Variants in ZNF708 observed in about 807,000 individuals in gnomAD.
ZNF708 encodes ZNF15, ZNF15L1.
A neutral mutation model predicts 47.0 loss-of-function variants in ZNF708; 44 were observed. That is an observed-to-expected ratio of 0.94 (90% CI 0.74 to 1.20). The LOEUF (loss-of-function observed/expected upper bound fraction) is 1.20. Ranked by LOEUF, ZNF708 falls within the 50% of genes most tolerant of loss-of-function variation. The pLI is 0.00. For synonymous variants in ZNF708, 184 were observed against 218.5 expected, an observed-to-expected ratio of 0.84 and a Z score of 1.39; for missense variants, 557 against 656.0, an observed-to-expected ratio of 0.85 and a Z score of 1.65.
At chr19:21,298,463 T>C (rs986790458) in intron 3 of ZNF708, among the ~76,000 whole-genome samples, 2 of 152,174 alleles carry the variant, frequency 1.3e-5, no homozygotes, top group South Asian at 4.1e-4. Context: ...TGTGTAGATG[T>C]CCATGCTGCT....
In ZNF708 at chr19:21,294,531, G is replaced by A. The variant is rs753080683; in HGVS notation, c.435C>T (p.Tyr145=). The part of the protein sequence containing the change: ...TQSKIVQCDK[Y]VKVFHKYSNA... ...TTGAATATTTATGAAAGACTTTCAC[G>A]TATTTGTCACACTGAACTATTTTGC... The change falls in exon 4 of 4, where the codon TAC becomes TAT. Residue 145 remains tyrosine, a synonymous_variant. Coordinates refer to ENST00000356929, the MANE Select transcript of ZNF708 (RefSeq NM_021269.3). 9.9e-6 allele frequency: 16 copies of A among 1,613,936 alleles called. No homozygotes were observed. The highest frequency in any genetic ancestry group is 6.7e-5 in the African/African-American group (5 of 74,892).
In ZNF708 at chr19:21,292,817, GGC is replaced by G. The variant is rs1972422947; in HGVS notation, c.*455_*456del. The G allele has an allele frequency of 5.9e-6, 1 of 169,928 alleles. No homozygotes were observed. The highest frequency in any genetic ancestry group is 2.4e-5 in the African/African-American group (1 of 41,516). The allele number at this position is 169,928 out of a possible 1,614,324, so 10.5% of individuals were successfully genotyped here. On this transcript the variant is annotated 3_prime_UTR_variant, in exon 4 of 4. Transcript: ENST00000356929. ...TTTTCTCAAGTATAAATGCTTTCCT[GGC>G]AATAAGGTGTGAGTATTCATTAAAA...
At chr19:21,317,544 T>A (rs1973041271) in intron 1 of ZNF708, among the ~76,000 whole-genome samples, 1 of 152,184 alleles carries the variant, frequency 6.6e-6, no homozygotes. Flanking sequence ...GTCTGGTAAT[T>A]CTAGACTGTG....
In ZNF708 at chr19:21,329,339, C is replaced by G; in HGVS notation, c.-127G>C. 1 of 1,450,982 alleles carries G rather than the reference C, an allele frequency of 6.9e-7. No individual in the cohort carries two copies. The allele number at this position is 1,450,982 out of a possible 1,614,324, so 89.9% of individuals were successfully genotyped here. On this transcript the variant is annotated 5_prime_UTR_variant, in exon 1 of 4. Transcript: ENST00000356929. The stretch of plus-strand genomic sequence containing the variant: ...AGCAGTGAAGACGAGACCGGAGCTC[C>G]GGCTGCAGCAAGAGACAAAGGCCGC...
chr19:21,322,507 T>C (rs1973172740), intron 1 of ZNF708, among the ~76,000 whole-genome samples: 1 of 152,128 alleles, frequency 6.6e-6, no homozygotes, highest in South Asian at 2.1e-4. Flanking sequence ...TTTGCCACGT[T>C]GCCCAGGCTG....
At position 21,317,117 on chromosome 19, in the gene ZNF708, CA is replaced by C. The variant is rs34652323; in HGVS notation, c.4-6491del. ...TGAAACCCCATCTCTACTACAAATACAAAAAAAAAAAAATTAGCCAGGCATG... is the reference window on the plus strand; with the variant it reads ...TGAAACCCCATCTCTACTACAAATACAAAAAAAAAAAATTAGCCAGGCATG... On this transcript the variant is annotated intron_variant, in intron 1 of 3. Transcript: ENST00000356929. 6.6e-4 allele frequency among the ~76,000 whole-genome samples: 95 copies of C among 144,058 alleles called. 1 individual carries two copies. Among genetic ancestry groups the C allele is most frequent in the Admixed American group, 7.6e-4 (11 of 14,414 alleles). 94.5% of individuals were successfully genotyped at this position (144,058 alleles called of 152,430 possible). A position where few individuals can be genotyped will look rare whatever the true frequency, so the allele number is the denominator to read the frequency against.
At chr19:21,322,280 A>G (rs1426692535) in intron 1 of ZNF708, among the ~76,000 whole-genome samples, 1 of 151,320 alleles carries the variant, frequency 6.6e-6, no homozygotes, top group Non-Finnish European at 1.5e-5. Flanking sequence ...ATCAGAGCTC[A>G]TATTCTTTTT....
In ZNF708 at chr19:21,322,187, T is replaced by C. The variant is rs577038903; in HGVS notation, c.3+7023A>G. 1.1e-4 allele frequency among the ~76,000 whole-genome samples: 16 copies of C among 152,206 alleles called. No homozygotes were observed. In the East Asian group the frequency reaches 2.7e-3, roughly 26 times the overall value. ...GGTGGTGCCTAGTCCTGGGAATAAG[T>C]GTGGACACGTCAATGTCTAATGGGT... On this transcript the variant is annotated intron_variant, in intron 1 of 3. Coordinates refer to ENST00000356929, the MANE Select transcript of ZNF708 (RefSeq NM_021269.3).
chr19:21,322,397 G>A (rs560553229), intron 1 of ZNF708, among the ~76,000 whole-genome samples: 1 of 152,004 alleles, frequency 6.6e-6, no homozygotes, highest in African/African-American at 2.4e-5. Context: ...TGCCTCCCGG[G>A]TTCAAGTGAT....
intron 3 of ZNF708, among the ~76,000 whole-genome samples, chr19:21,298,827 CA>C (rs1194320296): frequency 6.6e-6 from 1 of 152,092 alleles, no homozygotes; most frequent in East Asian, 1.9e-4. Context: ...ATTTCTGTTA[CA>C]AAATCATTTA....
intron 2 of ZNF708, among the ~76,000 whole-genome samples, chr19:21,309,566 G>C (rs1273105358): frequency 2.0e-5 from 3 of 152,072 alleles, no homozygotes. Context: ...AAATTAGCTG[G>C]ATATGGTGGT....
chr19:21,321,232 G>T (rs886115506), intron 1 of ZNF708, among the ~76,000 whole-genome samples: 2 of 150,076 alleles, frequency 1.3e-5, no homozygotes, highest in Non-Finnish European at 2.9e-5. Flanking sequence ...TAAATAATAA[G>T]AACACATGGA....
chr19:21,313,485 C>A (rs935187340), intron 1 of ZNF708, among the ~76,000 whole-genome samples: 7 of 151,944 alleles, frequency 4.6e-5, no homozygotes, highest in Admixed American at 2.6e-4. Context: ...AAAAGCCAGG[C>A]GCGGTGGTTC....
intron 1 of ZNF708, among the ~76,000 whole-genome samples, chr19:21,322,054 G>A (rs1973158671): frequency 2.0e-5 from 3 of 152,272 alleles, no homozygotes; most frequent in Admixed American, 2.0e-4. Flanking sequence ...GGTTGCTGGT[G>A]CAGATTCAGT....
rs1476670270 is a variant in ZNF708, at chr19:21,291,485, G to A, written c.*1789C>T. 1 of 152,086 alleles carries A rather than the reference G, an allele frequency of 6.6e-6. No homozygotes were observed. The highest frequency in any genetic ancestry group is 2.4e-5 in the African/African-American group (1 of 41,414). The allele number at this position is 152,086 out of a possible 1,614,324, so 9.4% of individuals were successfully genotyped here. ...CATGCTTTCACATGTGAATACAATA[G>A]AAATGAAGAAATAGCATCAAGTAAC... is the stretch of plus-strand genomic sequence containing the variant. On this transcript the variant is annotated 3_prime_UTR_variant, in exon 4 of 4. Coordinates refer to ENST00000356929, the MANE Select transcript of ZNF708 (RefSeq NM_021269.3).
intron 3 of ZNF708, among the ~76,000 whole-genome samples, chr19:21,297,077 G>A (rs1972539560): frequency 6.6e-6 from 1 of 151,222 alleles, no homozygotes; most frequent in South Asian, 2.1e-4. Flanking sequence ...AGGTTGCAGT[G>A]AGCCATGATT....
intron 3 of ZNF708, among the ~76,000 whole-genome samples, chr19:21,297,252 ATATATATATATATATATATTTTTTTTTTT>A (rs1394459398): frequency 8.0e-5 from 1 of 12,504 alleles, no homozygotes; most frequent in Non-Finnish European, 2.0e-4. Context: ...AGGTATATAT[ATATATATATATATATATATTTTTTTTTTT>A]TTTTTTTTTT....
chr19:21,313,122 CAA>C (rs58696124), intron 1 of ZNF708, among the ~76,000 whole-genome samples: 5 of 134,202 alleles, frequency 3.7e-5, no homozygotes, highest in African/African-American at 8.4e-5. Context: ...ACTAAAAATA[CAA>C]AAAAAAAAAA....
intron 3 of ZNF708, 118 bp downstream of exon 3, chr19:21,309,128 A>C (rs1438368456): frequency 8.5e-6 from 9 of 1,058,508 alleles, no homozygotes; most frequent in Non-Finnish European, 1.2e-5. Flanking sequence ...TTAAAAAAAC[A>C]AAACAGCTGC....
Sources: allele counts gnomAD v4.1 joint callset (sites outside exome capture counted in the v4.1 genomes callset), GRCh38; gene constraint gnomAD v4.1.1; transcripts MANE v1.5; gene names NCBI Gene and HGNC (gene_info 2026-07-23, HGNC 2026-07-21).